The following CSMD2 variants were observed in gnomAD, a reference collection of about 807,000 sequenced individuals.
The protein encoded by CSMD2 is CUB and sushi domain-containing protein 2.
In CSMD2, 130 loss-of-function variants were observed where a neutral mutation model predicts 398.5. The ratio of observed to expected loss-of-function variants is 0.33; its 90% CI spans 0.28 to 0.38. The LOEUF (loss-of-function observed/expected upper bound fraction) is 0.38, where lower values mean the gene tolerates loss of function less well. Among genes scored for constraint, CSMD2 ranks in the 10% least tolerant of loss-of-function variants. CSMD2 has a pLI of 1.00. For synonymous variants in CSMD2, 1,828 were observed against 1,908.5 expected, an observed-to-expected ratio of 0.96 and a Z score of 1.10; for missense variants, 3,829 against 4,764.9, an observed-to-expected ratio of 0.80 and a Z score of 5.78.
At position 33,944,238 on chromosome 1, in the gene CSMD2, C is replaced by A. The variant is rs79425192; in HGVS notation, c.518-8284G>T. On this transcript the variant is annotated intron_variant, in intron 3 of 70. Coordinates refer to ENST00000373381, the MANE Select transcript of CSMD2 (RefSeq NM_001281956.2). ...ATTCATATCTCAGGAACGCCCCCCC[C>A]CCAACTCCTGTGATAAAAGCAAGTG... 3.1e-3 allele frequency among the ~76,000 whole-genome samples: 472 copies of A among 152,144 alleles called. 1 individual carries two copies. The highest frequency in any genetic ancestry group is 0.01 in the African/African-American group (423 of 41,514).
chr1:33,994,181 G>A (rs796518962), intron 3 of CSMD2, among the ~76,000 whole-genome samples: 36 of 152,272 alleles, frequency 2.4e-4, no homozygotes, highest in African/African-American at 8.2e-4. Context: ...TCTGAAAAGG[G>A]TGGTTAAATT....
In CSMD2 at chr1:33,959,710, G is replaced by A. The variant is rs574336320; in HGVS notation, c.518-23756C>T. Reference sequence around the variant, plus strand: ...CTTTGCGGTGTTTGCAAAAACTCCTGGCTTCACATCTTTCAGGTCTCTTTT... The same window carrying A: ...CTTTGCGGTGTTTGCAAAAACTCCTAGCTTCACATCTTTCAGGTCTCTTTT... On this transcript the variant is annotated intron_variant, in intron 3 of 70. Coordinates refer to ENST00000373381, the MANE Select transcript of CSMD2 (RefSeq NM_001281956.2). Among the ~76,000 whole-genome samples, 7 of 152,228 alleles carry A rather than the reference G, an allele frequency of 4.6e-5. No individual in the cohort carries two copies. The East Asian group carries it at 1.2e-3, about 25-fold the overall frequency.
At chr1:33,912,690 A>T (rs960899538) in intron 5 of CSMD2, among the ~76,000 whole-genome samples, 1 of 151,608 alleles carries the variant, frequency 6.6e-6, no homozygotes, top group African/African-American at 2.4e-5. Flanking sequence ...CTGCCCCCCT[A>T]CTCTGTGAGC....
chr1:34,094,943 C>T (rs1471209256), intron 1 of CSMD2, among the ~76,000 whole-genome samples: 2 of 146,270 alleles, frequency 1.4e-5, no homozygotes, highest in Admixed American at 1.4e-4. Context: ...CACCCCAAAT[C>T]AACAGAATAT....
intron 3 of CSMD2, among the ~76,000 whole-genome samples, chr1:34,030,785 G>C (rs1018476825): frequency 6.6e-6 from 1 of 152,170 alleles, no homozygotes; most frequent in South Asian, 2.1e-4. Context: ...GGCACCATGA[G>C]AGCCTAGGGC....
intron 13 of CSMD2, among the ~76,000 whole-genome samples, chr1:33,755,711 C>A (rs749177674): frequency 7.9e-5 from 12 of 152,160 alleles, no homozygotes; most frequent in Non-Finnish European, 1.2e-4. Flanking sequence ...GTGGTGCAAT[C>A]CTAGCTCACT....
intron 55 of CSMD2, among the ~76,000 whole-genome samples, chr1:33,551,905 G>A (rs188539040): frequency 7.0e-4 from 107 of 152,236 alleles, no homozygotes; most frequent in Non-Finnish European, 5.6e-4. Context: ...CAGAGACTAC[G>A]GAATGACAAG....
intron 5 of CSMD2, chr1:33,864,495 C>T: frequency 1.2e-6 from 2 of 1,613,836 alleles, no homozygotes; most frequent in Non-Finnish European, 8.5e-7. Context: ...ATCCTTCCTA[C>T]TCTTCTGCCA....
At chr1:33,634,177 C>G (rs955376744) in intron 31 of CSMD2, among the ~76,000 whole-genome samples, 2 of 152,106 alleles carry the variant, frequency 1.3e-5, no homozygotes, top group African/African-American at 4.8e-5. Context: ...ACATAGGTGT[C>G]CTGGTTCTGG....
chr1:33,936,106 C>T (rs994446437), intron 3 of CSMD2, 152 bp from the exon 4 acceptor site: 14 of 618,118 alleles, frequency 2.3e-5, no homozygotes, highest in East Asian at 2.0e-4. Flanking sequence ...CTGATCTGCC[C>T]GCTTCTCAAG....
At chr1:33,797,934 C>T (rs1367937001) in intron 10 of CSMD2, among the ~76,000 whole-genome samples, 1 of 152,204 alleles carries the variant, frequency 6.6e-6, no homozygotes, top group African/African-American at 2.4e-5. Flanking sequence ...AAATGATTCA[C>T]ATCACTGGTT....
At chr1:34,039,435 C>G (rs1227660698) in intron 2 of CSMD2, among the ~76,000 whole-genome samples, 2 of 152,206 alleles carry the variant, frequency 1.3e-5, no homozygotes, top group African/African-American at 4.8e-5. Context: ...AAGAAATAAA[C>G]TTTTGGTGAG....
At chr1:34,043,487 G>T (rs1652110404) in intron 2 of CSMD2, among the ~76,000 whole-genome samples, 1 of 152,200 alleles carries the variant, frequency 6.6e-6, no homozygotes, top group South Asian at 2.1e-4. Flanking sequence ...TTTTCTTACT[G>T]AATTGTTATA....
At chr1:33,844,601 T>C (rs748554001) in intron 6 of CSMD2, among the ~76,000 whole-genome samples, 2 of 152,194 alleles carry the variant, frequency 1.3e-5, no homozygotes, top group Non-Finnish European at 2.9e-5. Context: ...TAATTGAGCA[T>C]GCCAGACCCA....
rs762794065 is a variant in CSMD2 at position 33,527,237 on chromosome 1, G to A, written c.10193C>T (p.Pro3398Leu). The A allele has an allele frequency of 6.2e-7, 1 of 1,613,936 alleles. No homozygotes were observed. Among genetic ancestry groups the A allele is most frequent in the Non-Finnish European group, 8.5e-7 (1 of 1,179,890 alleles). ...ICLEVRPSGR[P>L]INTAREPPLT... ...CGGTGGCTCCCGGGCAGTGTTGATG[G>A]GTCTCCCACTGGGCCGGACCTCTGC... The change falls in exon 65 of 71, where the codon CCC (proline) becomes CTC (leucine). Residue 3398 changes from proline (P) to leucine (L), a missense_variant. Pro to Leu is a moderately conservative substitution (Grantham distance 98). This residue lies in a region of CSMD2 where 917 missense variants were observed against 1,199.5 expected (regional missense o/e 0.76). Coordinates refer to ENST00000373381, the MANE Select transcript of CSMD2 (RefSeq NM_001281956.2).
intron 9 of CSMD2, among the ~76,000 whole-genome samples, chr1:33,816,860 C>T (rs753853099): frequency 5.9e-5 from 9 of 152,210 alleles, no homozygotes; most frequent in Non-Finnish European, 7.4e-5. Context: ...ATTTGCCAGG[C>T]CCCATGTTTT....
At chr1:34,109,956 G>A (rs1274413553) in intron 1 of CSMD2, among the ~76,000 whole-genome samples, 6 of 150,844 alleles carry the variant, frequency 4.0e-5, no homozygotes, top group East Asian at 2.0e-4. Context: ...CAGGAGAATC[G>A]GGTGAACCCA....
Position 33,624,154 on chromosome 1 carries a change from C to G in CSMD2, c.5625+365G>C, listed in dbSNP as rs1390289599. ...AGAAAATCTTTAGCCATTTGAGGAA[C>G]AACTTCTATGAATCCTTCCCACACT... is the stretch of plus-strand genomic sequence containing the variant. On this transcript the variant is annotated intron_variant, in intron 35 of 70. Coordinates refer to ENST00000373381, the MANE Select transcript of CSMD2 (RefSeq NM_001281956.2). This position sits in a 1 kb window ranked among gnomAD's most constrained non-coding sequence, Gnocchi z 4.7. Among the ~76,000 whole-genome samples the G allele has an allele frequency of 6.6e-6, 1 of 152,192 alleles. No homozygotes were observed. Among genetic ancestry groups the G allele is most frequent in the African/African-American group, 2.4e-5 (1 of 41,436 alleles).
chr1:33,640,672 A>G (rs1643054880), intron 29 of CSMD2, among the ~76,000 whole-genome samples: 1 of 152,200 alleles, frequency 6.6e-6, no homozygotes, highest in South Asian at 2.1e-4. Context: ...ATGAGATACC[A>G]AGCTGTTAAT....
Sources: allele counts gnomAD v4.1 joint callset (sites outside exome capture counted in the v4.1 genomes callset), GRCh38; gene constraint gnomAD v4.1.1; regional missense constraint gnomAD v4.1.1; non-coding constraint Gnocchi (gnomAD v3.1); transcripts MANE v1.5; gene names NCBI Gene and HGNC (gene_info 2026-07-23, HGNC 2026-07-21).